Variants in MICAL3 observed in about 807,000 individuals in gnomAD.
The protein encoded by MICAL3 is microtubule associated monooxygenase, calponin and LIM domain containing 3, also known as [F-actin]-monooxygenase MICAL3.
Under a neutral mutation model 207.4 loss-of-function variants are expected in MICAL3, and 62 were observed. The observed-to-expected ratio is 0.30, with a 90% confidence interval of 0.24 to 0.37. The LOEUF (loss-of-function observed/expected upper bound fraction) is 0.37. Among genes scored for constraint, MICAL3 ranks in the 10% least tolerant of loss-of-function variants. The pLI is 1.00. For synonymous variants in MICAL3, 1,077 were observed against 1,069.3 expected, an observed-to-expected ratio of 1.01 and a Z score of -0.14; for missense variants, 2,368 against 2,635.6, an observed-to-expected ratio of 0.90 and a Z score of 2.22.
chr22:17,938,011 G>A (rs1933622789), intron 1 of MICAL3, among the ~76,000 whole-genome samples: 1 of 152,158 alleles, frequency 6.6e-6, no homozygotes, highest in South Asian at 2.1e-4. Flanking sequence ...AGGCATGAGA[G>A]GTCTGTCGGC....
intron 28 of MICAL3, among the ~76,000 whole-genome samples, chr22:17,810,289 T>G (rs1006175084): frequency 2.0e-5 from 3 of 152,188 alleles, no homozygotes. Context: ...GGTCTCAATC[T>G]CCTGACCTTG....
chr22:17,929,568 C>CTT (rs67222681), intron 1 of MICAL3, among the ~76,000 whole-genome samples: 3,008 of 108,834 alleles, frequency 0.028, 256 homozygotes, highest in African/African-American at 0.074. Flanking sequence ...CTTTTCTTTT[C>CTT]TTTTTTTTTT....
chr22:17,792,716 A>G (rs549404327), intron 29 of MICAL3, among the ~76,000 whole-genome samples: 275 of 152,334 alleles, frequency 1.8e-3, no homozygotes, highest in African/African-American at 6.1e-3. Context: ...ACTGTGCCCT[A>G]GTGCACATGC....
intron 29 of MICAL3, among the ~76,000 whole-genome samples, chr22:17,804,090 G>A (rs752387418): frequency 2.0e-5 from 3 of 152,158 alleles, no homozygotes; most frequent in African/African-American, 4.8e-5. Context: ...GGAGGAGGGC[G>A]GTAACTAAAA....
chr22:17,891,505 A>C lies in MICAL3; in HGVS notation c.1674T>G (p.His558Gln). ...KSGLALCAII[H>Q]RYRPDLIDFD... The stretch of plus-strand genomic sequence containing the variant: ...CTTACATCAGGTCAGGGCGGTATCT[A>C]TGGATAATTGCACAAAGGGCCAAGC... The change falls in exon 12 of 32, where the codon CAT (histidine) becomes CAG (glutamine). Residue 558 changes from histidine (H) to glutamine (Q), a missense_variant. His to Gln is a conservative substitution (Grantham distance 24, BLOSUM62 0). This residue lies in a region of MICAL3 where 51 missense variants were observed against 87.8 expected (regional missense o/e 0.58). Coordinates refer to ENST00000441493, the MANE Select transcript of MICAL3 (RefSeq NM_015241.3). 1 of 1,614,014 alleles carries C rather than the reference A, an allele frequency of 6.2e-7. No individual in the cohort carries two copies. Among genetic ancestry groups the C allele is most frequent in the Non-Finnish European group, 8.5e-7 (1 of 1,179,884 alleles).
rs898608251 is a variant in MICAL3 at position 17,881,400 on chromosome 22, A to G, written c.2241+4478T>C. 1.1e-5 allele frequency: 11 copies of G among 998,756 alleles called. No homozygotes were observed. In the East Asian group the frequency reaches 2.7e-4, roughly 25 times the overall value. The allele number at this position is 998,756 out of a possible 1,614,324, so 61.9% of individuals were successfully genotyped here. A position where few individuals can be genotyped will look rare whatever the true frequency, so the allele number is the denominator to read the frequency against. ...GGACTGAAGGGTGTTTGTCAGAAGC[A>G]CCCCAGGGAGGCCTTTCCTTGCCCC... is the stretch of plus-strand genomic sequence containing the variant. On this transcript the variant is annotated intron_variant, in intron 16 of 31. Coordinates refer to ENST00000441493, the MANE Select transcript of MICAL3 (RefSeq NM_015241.3).
chr22:17,847,394 CATGTCTGTAAGTAGGATGGCT>C (rs1569092817), intron 19 of MICAL3, among the ~76,000 whole-genome samples: 3 of 152,206 alleles, frequency 2.0e-5, no homozygotes, highest in Non-Finnish European at 4.4e-5. Flanking sequence ...TCCTGTTTCC[CATGTCTGTAAGTAGGATGGCT>C]GCAGGGGTTC....
chr22:17,976,051 A>G (rs1005270904), intron 1 of MICAL3, among the ~76,000 whole-genome samples: 15 of 151,954 alleles, frequency 9.9e-5, no homozygotes, highest in Non-Finnish European at 2.1e-4. Flanking sequence ...TGGGTCTCAA[A>G]AAAAAAAAGA....
chr22:17,847,333 G>A (rs1924735893), intron 19 of MICAL3, among the ~76,000 whole-genome samples: 1 of 152,204 alleles, frequency 6.6e-6, no homozygotes, highest in South Asian at 2.1e-4. Flanking sequence ...AATGGAATCC[G>A]AGTCTGACAA....
chr22:17,990,111 T>TA (rs5844342), intron 1 of MICAL3, among the ~76,000 whole-genome samples: 38 of 149,728 alleles, frequency 2.5e-4, no homozygotes, highest in African/African-American at 7.1e-4. Flanking sequence ...GAATTGCTAA[T>TA]AAAAAAAAAA....
At chr22:17,810,230 T>A (rs544336683) in intron 28 of MICAL3, among the ~76,000 whole-genome samples, 1 of 150,814 alleles carries the variant, frequency 6.6e-6, no homozygotes, top group East Asian at 1.9e-4. Context: ...GCCTGGCTAA[T>A]TTTTTGTATT....
intron 1 of MICAL3, among the ~76,000 whole-genome samples, chr22:17,993,251 C>CA (rs1048367678): frequency 1.1e-3 from 161 of 150,044 alleles, no homozygotes; most frequent in Non-Finnish European, 1.4e-3. Flanking sequence ...TCCCAGATGG[C>CA]TTTTTTTTTT....
At chr22:17,810,153 G>C (rs2062029220) in intron 28 of MICAL3, among the ~76,000 whole-genome samples, 1 of 146,296 alleles carries the variant, frequency 6.8e-6, no homozygotes, top group Admixed American at 7.1e-5. Context: ...AGCTCCACTT[G>C]CTGGGTTCAT....
At chr22:17,800,612 G>A (rs1346683952) in intron 29 of MICAL3, among the ~76,000 whole-genome samples, 1 of 152,192 alleles carries the variant, frequency 6.6e-6, no homozygotes, top group Non-Finnish European at 1.5e-5. Flanking sequence ...AGAGCACAGG[G>A]CAGGGGTAGG....
chr22:17,912,347 G>A (rs1214411185), intron 1 of MICAL3, among the ~76,000 whole-genome samples: 1 of 149,834 alleles, frequency 6.7e-6, no homozygotes, highest in Non-Finnish European at 1.5e-5. Flanking sequence ...GTAAATTTTA[G>A]GATGGGTTTT....
At chr22:17,863,095 G>A (rs1602082014) in intron 19 of MICAL3, 9 of 985,272 alleles carry the variant, frequency 9.1e-6, no homozygotes, top group African/African-American at 1.7e-5. Context: ...TATGGAAAGC[G>A]TAATTCTTTA....
At chr22:17,805,721 A>G (rs1409668907) in intron 29 of MICAL3, among the ~76,000 whole-genome samples, 1 of 152,122 alleles carries the variant, frequency 6.6e-6, no homozygotes, top group Non-Finnish European at 1.5e-5. Context: ...AATAAGACAC[A>G]CCACCTTCAA....
At chr22:17,833,462 C>T (rs1275053077) in intron 20 of MICAL3, among the ~76,000 whole-genome samples, 2 of 152,248 alleles carry the variant, frequency 1.3e-5, no homozygotes, top group African/African-American at 4.8e-5. Flanking sequence ...CAGGCTCTCC[C>T]CTAGCCTGCT....
chr22:17,881,349 T>G (rs768684198), intron 16 of MICAL3: 1 of 1,490,144 alleles, frequency 6.7e-7, no homozygotes, highest in Non-Finnish European at 9.2e-7. Flanking sequence ...ATTCAAACAG[T>G]GGCCATGTGG....
Sources: gnomAD v4.1 joint callset for allele counts (sites outside exome capture counted in the v4.1 genomes callset) on GRCh38, gnomAD v4.1.1 for gene constraint, gnomAD v4.1.1 regional missense constraint, MANE v1.5 for transcripts, NCBI Gene and HGNC (gene_info 2026-07-23, HGNC 2026-07-21) for gene names.